API5: variants seen among roughly 807,000 people sequenced by gnomAD.
API5 encodes FIF.
A neutral mutation model predicts 71.9 loss-of-function variants in API5; 6 were observed. That is an observed-to-expected ratio of 0.08 (90% CI 0.05 to 0.16). The LOEUF is 0.16. API5 is among the 10% of genes least tolerant of loss of function. The pLI is 1.00. For synonymous variants in API5, 189 were observed against 221.3 expected (o/e 0.85, Z 1.30); for missense variants, 332 against 612.8 (o/e 0.54, Z 4.84).
intron 9 of API5, chr11:43,329,485 A>C (rs1195122992): frequency 1.3e-5 from 2 of 154,862 alleles, no homozygotes; most frequent in African/African-American, 4.8e-5. Context: ...GGCTCCCCCA[A>C]ATTTTTCTCA....
In API5 at chr11:43,328,720, G is replaced by C. The variant is rs1210071792; in HGVS notation, c.954G>C (p.Met318Ile). 1 of 1,613,326 alleles carries C rather than the reference G, an allele frequency of 6.2e-7. No individual in the cohort carries two copies. The highest frequency in any genetic ancestry group is 8.5e-7 in the Non-Finnish European group (1 of 1,179,556). ...RKLFDKLLEY[M>I]PLPPEEAENG... ...ATATTTTTCTCTCTTAGGAATACAT[G>C]CCCCTCCCTCCAGAAGAGGCAGAAA... is the stretch of plus-strand genomic sequence containing the variant. The change falls in exon 9 of 14, where the codon ATG (methionine) becomes ATC (isoleucine). Residue 318 changes from methionine to isoleucine, a missense_variant. Physicochemically the swap from Met to Ile is conservative, Grantham distance 10. Coordinates refer to ENST00000531273, the MANE Select transcript of API5 (RefSeq NM_001142930.2).
chr11:43,320,083 T>C (rs1854819172), intron 2 of API5, among the ~76,000 whole-genome samples: 1 of 149,598 alleles, frequency 6.7e-6, no homozygotes, highest in Non-Finnish European at 1.5e-5. Context: ...CCTTACTCTA[T>C]TGGCCAGGCT....
intron 13 of API5, among the ~76,000 whole-genome samples, chr11:43,341,701 A>C (rs533881967): frequency 6.6e-6 from 1 of 152,322 alleles, no homozygotes; most frequent in Non-Finnish European, 1.5e-5. Flanking sequence ...ATACTTTAAA[A>C]TAGAAGAATA....
chr11:43,312,503 A>G (rs568689793), intron 1 of API5, among the ~76,000 whole-genome samples: 1 of 152,126 alleles, frequency 6.6e-6, no homozygotes, highest in African/African-American at 2.4e-5. Flanking sequence ...TTTTCTCTAC[A>G]GGATTCTCTT....
intron 13 of API5, among the ~76,000 whole-genome samples, chr11:43,339,962 A>T (rs1297528604): frequency 6.6e-6 from 1 of 152,190 alleles, no homozygotes; most frequent in East Asian, 1.9e-4. Flanking sequence ...TAAGAGAAAG[A>T]AATAAAGGGC....
chr11:43,328,981 T>TC, intron 9 of API5, 88 bp downstream of exon 9: 3 of 1,335,660 alleles, frequency 2.2e-6, no homozygotes, highest in Middle Eastern at 1.9e-4. Context: ...CTATGAGAGC[T>TC]CCCCATCCTG....
Position 43,342,138 on chromosome 11 carries a change from C to G in API5, c.1493-290C>G, listed in dbSNP as rs948719270. On this transcript the variant is annotated intron_variant, in intron 13 of 13. Coordinates refer to ENST00000531273, the MANE Select transcript of API5 (RefSeq NM_001142930.2). ...CCAGCCTGAGCAACACAGCAAGACC[C>G]TCCAAAAAAAGTGTAGTTATCGTAA... Among the ~76,000 whole-genome samples the G allele has an allele frequency of 3.9e-5, 6 of 152,200 alleles. No homozygotes were observed. In the East Asian group the frequency reaches 7.7e-4, roughly 20 times the overall value.
In API5 at chr11:43,342,672, C is replaced by G; in HGVS notation, c.*162C>G. On this transcript the variant is annotated 3_prime_UTR_variant, in exon 14 of 14. Coordinates refer to ENST00000531273, the MANE Select transcript of API5 (RefSeq NM_001142930.2). ...TGTATGACCTACTTTTGTAACAGACCATGGTTGTGTCCAAGGTAAAACCAC... is the reference window on the plus strand; with the variant it reads ...TGTATGACCTACTTTTGTAACAGACGATGGTTGTGTCCAAGGTAAAACCAC... 1.3e-6 allele frequency: 1 copy of G among 760,410 alleles called. No individual in the cohort carries two copies. The allele number at this position is 760,410 out of a possible 1,614,324, so 47.1% of individuals were successfully genotyped here. A position where few individuals can be genotyped will look rare whatever the true frequency, so the allele number is the denominator to read the frequency against.
In API5 at chr11:43,323,524, T is replaced by G; in HGVS notation, c.638T>G (p.Leu213Arg). 2 of 1,614,154 alleles carry G rather than the reference T, an allele frequency of 1.2e-6. No individual in the cohort carries two copies. Among genetic ancestry groups the G allele is most frequent in the Non-Finnish European group, 1.7e-6 (2 of 1,180,016 alleles). Residue 213 changes from leucine (L) to arginine (R), a missense_variant, in exon 6 of 14, where the codon CTT becomes CGT. Coordinates refer to ENST00000531273, the MANE Select transcript of API5 (RefSeq NM_001142930.2). ...CAGACAGTGAGTGGAAGACAGCAAC[T>G]TGTAGAGTTGGTGGCTGAACAGGCC... ...SLQTVSGRQQ[L>R]VELVAEQADL...
chr11:43,318,675 G>C lies in API5; in HGVS notation c.105G>C (p.Val35=), dbSNP rs758826178. ...CCTATCAAGTGATATTGGATGGTGT[G>C]AAAGGTGGTACTAAGGAAAAGCGAT... The part of the protein sequence containing the change: ...KDAYQVILDG[V]KGGTKEKRLA... Residue 35 remains valine, a synonymous_variant, in exon 2 of 14, where the codon GTG becomes GTC. Transcript: ENST00000531273. The C allele has an allele frequency of 1.2e-6, 2 of 1,613,452 alleles. No individual in the cohort carries two copies. The highest frequency in any genetic ancestry group is 2.2e-5 in the South Asian group (2 of 91,060).
intron 1 of API5, among the ~76,000 whole-genome samples, chr11:43,316,740 T>C (rs1854685568): frequency 6.6e-6 from 1 of 152,186 alleles, no homozygotes; most frequent in Admixed American, 6.5e-5. Flanking sequence ...CCACAGCCTT[T>C]ATCGCCTGGG....
intron 2 of API5, among the ~76,000 whole-genome samples, chr11:43,320,020 A>G (rs1854813764): frequency 6.7e-6 from 1 of 149,732 alleles, no homozygotes; most frequent in South Asian, 2.1e-4. Flanking sequence ...TAACTTGAAG[A>G]TTAAATTGGA....
chr11:43,324,023 T>G (rs1854984226), intron 6 of API5, among the ~76,000 whole-genome samples: 1 of 152,098 alleles, frequency 6.6e-6, no homozygotes, highest in Non-Finnish European at 1.5e-5. Context: ...AGAAAGAATT[T>G]TTTTTTTCCT....
chr11:43,329,150 G>T, intron 9 of API5: 1 of 400,194 alleles, frequency 2.5e-6, no homozygotes, highest in Non-Finnish European at 4.6e-6. Context: ...GAGACCAGCT[G>T]GGCAACATAG....
At chr11:43,335,762 GA>G in intron 12 of API5, 95 bp from the exon 13 acceptor site, 1 of 1,319,254 alleles carries the variant, frequency 7.6e-7, no homozygotes, top group Non-Finnish European at 1.0e-6. Context: ...TCCTCTTTAG[GA>G]TGTCTTTCCT....
chr11:43,318,948 A>G, intron 2 of API5, 147 bp downstream of exon 2: 1 of 705,670 alleles, frequency 1.4e-6, no homozygotes, highest in Non-Finnish European at 2.2e-6. Flanking sequence ...GCTTAAATTT[A>G]CATATGATAA....
At chr11:43,330,249 G>A in intron 10 of API5, 191 bp downstream of exon 10, 1 of 616,870 alleles carries the variant, frequency 1.6e-6, no homozygotes, top group Non-Finnish European at 2.8e-6. Flanking sequence ...ACTTCTATGT[G>A]CATGTGACCT....
intron 1 of API5, among the ~76,000 whole-genome samples, chr11:43,317,741 G>A (rs1010093849): frequency 3.3e-5 from 5 of 152,154 alleles, no homozygotes; most frequent in Admixed American, 6.5e-5. Flanking sequence ...GCAGTGGTGC[G>A]ATCTCAGCTC....
intron 8 of API5, 125 bp downstream of exon 8, chr11:43,328,003 T>A (rs1565107041): frequency 1.9e-6 from 1 of 532,866 alleles, no homozygotes; most frequent in East Asian, 3.3e-5. Flanking sequence ...CTAATAAGTA[T>A]TGTTAGCTTC....
Sources: allele counts gnomAD v4.1 joint callset (sites outside exome capture counted in the v4.1 genomes callset), GRCh38; gene constraint gnomAD v4.1.1; transcripts MANE v1.5; gene names NCBI Gene and HGNC (gene_info 2026-07-23, HGNC 2026-07-21).